The following NRG3 variants were observed in gnomAD, a reference collection of about 807,000 sequenced individuals.
NRG3 encodes the protein neuregulin 3.
Under a neutral mutation model 66.9 loss-of-function variants are expected in NRG3, and 31 were observed. The ratio of observed to expected loss-of-function variants is 0.46; its 90% CI spans 0.35 to 0.63. The LOEUF (loss-of-function observed/expected upper bound fraction) is 0.63, where lower values mean the gene tolerates loss of function less well. Among genes scored for constraint, NRG3 ranks in the 20% least tolerant of loss-of-function variants. NRG3 has a pLI of 0.00. For synonymous variants in NRG3, 393 were observed against 359.4 expected, an observed-to-expected ratio of 1.09 and a Z score of -1.06; for missense variants, 910 against 878.9, an observed-to-expected ratio of 1.04 and a Z score of -0.45.
intron 4 of NRG3, among the ~76,000 whole-genome samples, chr10:82,880,004 T>C (rs1842169860): frequency 7.0e-6 from 1 of 142,342 alleles, no homozygotes; most frequent in Non-Finnish European, 1.5e-5. Context: ...AAGCAGAAGC[T>C]TGTGCTGTAT....
chr10:82,020,382 C>G (rs147947489), intron 1 of NRG3, among the ~76,000 whole-genome samples: 162 of 152,136 alleles, frequency 1.1e-3, no homozygotes, highest in African/African-American at 3.7e-3. Flanking sequence ...TAAGCAAACA[C>G]TAGGTATAAG....
chr10:82,630,048 C>A (rs1334047167), intron 2 of NRG3, among the ~76,000 whole-genome samples: 3 of 152,072 alleles, frequency 2.0e-5, no homozygotes, highest in Non-Finnish European at 4.4e-5. Flanking sequence ...TCTTCCCCAG[C>A]AATAAAAGGG....
intron 2 of NRG3, among the ~76,000 whole-genome samples, chr10:82,393,860 C>T (rs2086547281): frequency 6.6e-6 from 1 of 152,180 alleles, no homozygotes; most frequent in African/African-American, 2.4e-5. Flanking sequence ...CCTGTGCACT[C>T]TATGATAATT....
intron 2 of NRG3, among the ~76,000 whole-genome samples, chr10:82,675,273 ATTGT>A (rs955546036): frequency 2.0e-5 from 3 of 151,766 alleles, no homozygotes; most frequent in African/African-American, 7.3e-5. Flanking sequence ...TTTTTCAAAG[ATTGT>A]TTGGGGGAAG....
At chr10:82,651,848 A>G (rs2133894744) in intron 2 of NRG3, among the ~76,000 whole-genome samples, 1 of 152,340 alleles carries the variant, frequency 6.6e-6, no homozygotes, top group East Asian at 1.9e-4. Flanking sequence ...GTCCCAGTCA[A>G]GCCTTCAGAT....
intron 3 of NRG3, among the ~76,000 whole-genome samples, chr10:82,853,056 G>A (rs1466991007): frequency 6.6e-6 from 1 of 152,104 alleles, no homozygotes; most frequent in Non-Finnish European, 1.5e-5. Flanking sequence ...GGTAAGGCAG[G>A]ATTTTACCTT....
intron 4 of NRG3, among the ~76,000 whole-genome samples, chr10:82,903,830 A>G (rs1232169149): frequency 6.6e-6 from 1 of 152,116 alleles, no homozygotes; most frequent in Non-Finnish European, 1.5e-5. Flanking sequence ...TTTCAACTGT[A>G]CAGGGGTCAG....
At chr10:82,385,170 T>C (rs2085897529) in intron 2 of NRG3, among the ~76,000 whole-genome samples, 1 of 152,192 alleles carries the variant, frequency 6.6e-6, no homozygotes, top group African/African-American at 2.4e-5. Flanking sequence ...GTTATTTTTT[T>C]CTTGCTAATT....
intron 4 of NRG3, among the ~76,000 whole-genome samples, chr10:82,890,580 T>G (rs1466411031): frequency 6.6e-6 from 1 of 152,230 alleles, no homozygotes; most frequent in African/African-American, 2.4e-5. Context: ...TTAGGAATAA[T>G]TCTACCTTTC....
chr10:82,511,120 G>A (rs540203568), intron 2 of NRG3, among the ~76,000 whole-genome samples: 4 of 152,296 alleles, frequency 2.6e-5, no homozygotes, highest in Admixed American at 2.6e-4. Context: ...CTTATGAACA[G>A]GAGAAGACTG....
chr10:82,001,578 A>G (rs530147425), intron 1 of NRG3, among the ~76,000 whole-genome samples: 47 of 152,184 alleles, frequency 3.1e-4, no homozygotes, highest in Middle Eastern at 6.8e-3. Context: ...GAAAATGGAA[A>G]ATAGAGGACA....
chr10:82,725,158 A>G (rs529763067), intron 2 of NRG3, among the ~76,000 whole-genome samples: 6 of 152,316 alleles, frequency 3.9e-5, no homozygotes, highest in Admixed American at 1.3e-4. Flanking sequence ...ATCCTGAGTC[A>G]AGTGAGATAC....
rs1267761123 is a variant in NRG3 at position 82,985,079 on chromosome 10, C to T, written c.1584-19C>T. Reference sequence around the variant, plus strand: ...GCCTGGTAGAAAGCAGAAGGAGTAACACTGTGTTTCTTTTTCAGGTATTCA... The same window carrying T: ...GCCTGGTAGAAAGCAGAAGGAGTAATACTGTGTTTCTTTTTCAGGTATTCA... On this transcript the variant is annotated intron_variant, in intron 8 of 8. Coordinates refer to ENST00000372141, the MANE Select transcript of NRG3 (RefSeq NM_001010848.4). 1 of 1,609,064 alleles carries T rather than the reference C, an allele frequency of 6.2e-7. No individual in the cohort carries two copies. Among genetic ancestry groups the T allele is most frequent in the Non-Finnish European group, 8.5e-7 (1 of 1,177,600 alleles).
intron 1 of NRG3, among the ~76,000 whole-genome samples, chr10:82,241,444 T>G (rs2077005020): frequency 6.6e-6 from 1 of 151,984 alleles, no homozygotes; most frequent in Non-Finnish European, 1.5e-5. Flanking sequence ...ATTTTTTTAA[T>G]TTTTCCTTCT....
At chr10:82,669,346 G>A (rs59297403) in intron 2 of NRG3, among the ~76,000 whole-genome samples, 3,732 of 151,572 alleles carry the variant, frequency 0.025, 145 homozygotes, top group African/African-American at 0.085. Flanking sequence ...CCAGTACTAA[G>A]GTGCTTTGGG....
chr10:82,936,633 C>T (rs555792815), intron 4 of NRG3, among the ~76,000 whole-genome samples: 2 of 152,084 alleles, frequency 1.3e-5, no homozygotes, highest in East Asian at 1.9e-4. Flanking sequence ...AAATGATAAC[C>T]ATGTGAGGTA....
At chr10:82,345,421 A>G (rs1334365611) in intron 1 of NRG3, among the ~76,000 whole-genome samples, 2 of 151,784 alleles carry the variant, frequency 1.3e-5, no homozygotes, top group African/African-American at 2.4e-5. Context: ...CCATTGATCT[A>G]TATCTCTGTT....
At chr10:82,094,343 C>G (rs538216861) in intron 1 of NRG3, among the ~76,000 whole-genome samples, 1 of 152,250 alleles carries the variant, frequency 6.6e-6, no homozygotes, top group South Asian at 2.1e-4. Flanking sequence ...CAAAATATAA[C>G]AGATGCCGAT....
rs145788564 is a variant in NRG3, at chr10:82,374,102, C to G, written c.953+15234C>G. 1.5e-3 allele frequency among the ~76,000 whole-genome samples: 223 copies of G among 152,314 alleles called. 1 individual carries two copies. Among genetic ancestry groups the G allele is most frequent in the African/African-American group, 5.2e-3 (215 of 41,558 alleles). ...AAATACGCTAAATACCTACCACTCT[C>G]ATTTTTTAGACGACAAATTTGAGGT... On this transcript the variant is annotated intron_variant, in intron 2 of 8. Transcript: ENST00000372141.
Sources: gnomAD v4.1 joint callset for allele counts (sites outside exome capture counted in the v4.1 genomes callset) on GRCh38, gnomAD v4.1.1 for gene constraint, MANE v1.5 for transcripts, NCBI Gene and HGNC (gene_info 2026-07-23, HGNC 2026-07-21) for gene names.